PSTK: variants seen among roughly 807,000 people sequenced by gnomAD.
The protein encoded by PSTK is L-seryl-tRNA(Sec) kinase.
PSTK carries 26 observed loss-of-function variants against 38.6 expected under a neutral mutation model. That is an observed-to-expected ratio of 0.67 (90% CI 0.49 to 0.94). The LOEUF (loss-of-function observed/expected upper bound fraction) is 0.94. PSTK is among the 40% of genes least tolerant of loss of function. PSTK has a pLI of 0.00. For missense variants in PSTK, 445 were observed against 436.3 expected, an observed-to-expected ratio of 1.02 and a Z score of -0.18; for synonymous variants, 181 against 161.7, an observed-to-expected ratio of 1.12 and a Z score of -0.91.
In PSTK at chr10:122,990,171, T is replaced by C; in HGVS notation, c.878-3T>C. ...GTAATTTGAGAATATCTTTTTATTT[T>C]AGATGAACAAGTGCTTCCTCACAAC... On this transcript the variant is annotated splice_polypyrimidine_tract_variant and splice_region_variant and intron_variant, in intron 5 of 5. Coordinates refer to ENST00000406217, the MANE Select transcript of PSTK (RefSeq NM_001363531.2). The C allele has an allele frequency of 2.0e-6, 3 of 1,511,752 alleles. No individual in the cohort carries two copies. The highest frequency in any genetic ancestry group is 2.6e-6 in the Non-Finnish European group (3 of 1,133,780). 93.6% of individuals were successfully genotyped at this position (1,511,752 alleles called of 1,614,324 possible).
rs759155305 is a variant in PSTK, at chr10:122,986,345, A to G, written c.753A>G (p.Val251=). 1.9e-6 allele frequency: 3 copies of G among 1,612,054 alleles called. No homozygotes were observed. The highest frequency in any genetic ancestry group is 2.5e-6 in the Non-Finnish European group (3 of 1,178,262). The stretch of plus-strand genomic sequence containing the variant: ...TGCTCACTGCTTTGGAAAATCCAGT[A>G]AAATATGCTGAGGACAATATGGAAC... ...DLLLTALENP[V]KYAEDNMEQK... Residue 251 remains valine, a synonymous_variant, in exon 4 of 6, where the codon GTA becomes GTG. Transcript: ENST00000406217.
chr10:122,985,191 C>T (rs1262095031), intron 3 of PSTK: 1 of 152,388 alleles, frequency 6.6e-6, no homozygotes, highest in Non-Finnish European at 1.5e-5. Context: ...TTCAGCCTTT[C>T]TCTTGCACGA....
chr10:122,988,457 CTTAA>C (rs1564731953), intron 5 of PSTK, among the ~76,000 whole-genome samples: 2 of 151,780 alleles, frequency 1.3e-5, no homozygotes, highest in Non-Finnish European at 2.9e-5. Flanking sequence ...TTAATTTGTG[CTTAA>C]TTAAAAATTC....
intron 5 of PSTK, 46 bp downstream of exon 5, chr10:122,987,008 C>T (rs749046700): frequency 8.5e-6 from 10 of 1,181,786 alleles, no homozygotes; most frequent in African/African-American, 1.5e-5. Context: ...TTGTGACTTT[C>T]TACTGCTACT....
intron 2 of PSTK, 96 bp from the exon 3 acceptor site, chr10:122,983,176 T>G: frequency 7.9e-7 from 1 of 1,260,466 alleles, no homozygotes; most frequent in Non-Finnish European, 1.1e-6. Context: ...ACGGAGTTTT[T>G]CCTACTATAA....
intron 5 of PSTK, among the ~76,000 whole-genome samples, chr10:122,988,244 C>T (rs548453329): frequency 3.9e-5 from 6 of 152,042 alleles, no homozygotes; most frequent in Non-Finnish European, 7.4e-5. Context: ...AAAAATAGTT[C>T]CAGGAGTTCT....
chr10:122,987,819 G>GT (rs1181326270), intron 5 of PSTK, among the ~76,000 whole-genome samples: 1 of 152,182 alleles, frequency 6.6e-6, no homozygotes, highest in Non-Finnish European at 1.5e-5. Flanking sequence ...AGAGGAACAA[G>GT]TAACTTGTCC....
intron 5 of PSTK, 95 bp from the exon 6 acceptor site, chr10:122,990,079 C>A (rs1258961458): frequency 2.5e-6 from 2 of 801,216 alleles, no homozygotes; most frequent in Non-Finnish European, 3.9e-6. Flanking sequence ...TAGAATCTAA[C>A]TGGTTTGTTT....
chr10:122,988,701 C>G (rs544329346), intron 5 of PSTK, among the ~76,000 whole-genome samples: 1 of 152,250 alleles, frequency 6.6e-6, no homozygotes, highest in African/African-American at 2.4e-5. Context: ...TTCACACCCA[C>G]TAGGAGGTCT....
rs1589706463 is a variant in PSTK at position 122,982,955 on chromosome 10, T to C, written c.439T>C (p.Phe147Leu). ...LTKTAVSRPL[F>L]LVLDDNFYYQ... Reference sequence around the variant, plus strand: ...AAAAACTGCTGTTTCTAGACCTTTGTTTTTGGTTTTGGATGACAATTTTTA... The same window carrying C: ...AAAAACTGCTGTTTCTAGACCTTTGCTTTTGGTTTTGGATGACAATTTTTA... Residue 147 changes from phenylalanine (F) to leucine (L), a missense_variant, in exon 2 of 6, where the codon TTT becomes CTT. Phe to Leu is a conservative substitution (Grantham distance 22). Coordinates refer to ENST00000406217, the MANE Select transcript of PSTK (RefSeq NM_001363531.2). 4 of 1,614,058 alleles carry C rather than the reference T, an allele frequency of 2.5e-6. No individual in the cohort carries two copies. In the East Asian group the frequency reaches 8.9e-5, roughly 36 times the overall value.
At chr10:122,986,088 G>A in intron 3 of PSTK, 1 of 289,500 alleles carries the variant, frequency 3.5e-6, no homozygotes, top group South Asian at 6.4e-5. Flanking sequence ...GGGCGTGGTG[G>A]TGGGCGCCTG....
Position 122,980,917 on chromosome 10 carries a change from G to C in PSTK, c.216+222G>C. Reference sequence around the variant, plus strand: ...TGGTTACAAAGCCAACTGTTAGAACGATGCATTTTAGATGCTTATCTGTAT... The same window carrying C: ...TGGTTACAAAGCCAACTGTTAGAACCATGCATTTTAGATGCTTATCTGTAT... On this transcript the variant is annotated intron_variant, in intron 1 of 5. Transcript: ENST00000406217. The surrounding 1 kb of genome is among the most constrained non-coding windows in gnomAD (Gnocchi z 4.3). 1 of 608,092 alleles carries C rather than the reference G, an allele frequency of 1.6e-6. No individual in the cohort carries two copies. Among genetic ancestry groups the C allele is most frequent in the South Asian group, 7.4e-5 (1 of 13,504 alleles). 37.7% of individuals were successfully genotyped at this position (608,092 alleles called of 1,614,324 possible). A position where few individuals can be genotyped will look rare whatever the true frequency, so the allele number is the denominator to read the frequency against.
chr10:122,989,186 G>A (rs1217872328), intron 5 of PSTK, among the ~76,000 whole-genome samples: 1 of 132,436 alleles, frequency 7.6e-6, no homozygotes, highest in East Asian at 2.8e-4. Flanking sequence ...GATGGGGGGC[G>A]GGGGGTGGGC....
intron 5 of PSTK, among the ~76,000 whole-genome samples, chr10:122,988,186 A>G (rs1018753555): frequency 6.6e-5 from 10 of 152,186 alleles, no homozygotes; most frequent in African/African-American, 2.4e-4. Flanking sequence ...AATAAGTTTG[A>G]GAAACAGAGG....
At chr10:122,987,197 C>A in intron 5 of PSTK, 2 of 1,258,680 alleles carry the variant, frequency 1.6e-6, no homozygotes, top group Non-Finnish European at 2.2e-6. Flanking sequence ...ACTCTAGATG[C>A]TGGGGAATCG....
At chr10:122,988,529 C>G (rs929543059) in intron 5 of PSTK, among the ~76,000 whole-genome samples, 2 of 152,070 alleles carry the variant, frequency 1.3e-5, no homozygotes, top group African/African-American at 4.8e-5. Flanking sequence ...AAAGTATTTG[C>G]AGACATATAT....
At chr10:122,986,508 C>A in intron 4 of PSTK, 133 bp downstream of exon 4, 1 of 693,356 alleles carries the variant, frequency 1.4e-6, no homozygotes. Flanking sequence ...CCAGCACTCA[C>A]TGCTGACAGC....
chr10:122,987,028 G>A (rs1054435574), intron 5 of PSTK, 66 bp downstream of exon 5: 17 of 1,051,068 alleles, frequency 1.6e-5, no homozygotes, highest in East Asian at 4.8e-5. Context: ...TGTTATTCCC[G>A]ACACTCAGAG....
chr10:122,989,732 T>C (rs1849099240), intron 5 of PSTK, among the ~76,000 whole-genome samples: 1 of 152,362 alleles, frequency 6.6e-6, no homozygotes, highest in African/African-American at 2.4e-5. Flanking sequence ...CGTGTGGCTA[T>C]TGGCTGCTGT....
Sources: gnomAD v4.1 joint callset for allele counts (sites outside exome capture counted in the v4.1 genomes callset) on GRCh38, gnomAD v4.1.1 for gene constraint, Gnocchi (gnomAD v3.1) non-coding constraint, MANE v1.5 for transcripts, NCBI Gene and HGNC (gene_info 2026-07-23, HGNC 2026-07-21) for gene names.